LRRC4C: variants seen among roughly 807,000 people sequenced by gnomAD.
The protein encoded by LRRC4C is leucine rich repeat containing 4C.
In LRRC4C, 5 loss-of-function variants were observed where a neutral mutation model predicts 33.6. That is an observed-to-expected ratio of 0.15 (90% CI 0.08 to 0.31). The LOEUF (loss-of-function observed/expected upper bound fraction) is 0.31. Ranked by LOEUF, LRRC4C falls within the 10% of genes least tolerant of loss-of-function variation. The pLI, the probability that LRRC4C is intolerant of heterozygous loss-of-function variation, is 1.00. For missense variants in LRRC4C, 560 were observed against 796.7 expected (o/e 0.70, Z 3.58); for synonymous variants, 329 against 302.0 (o/e 1.09, Z -0.93).
intron 1 of LRRC4C, among the ~76,000 whole-genome samples, chr11:40,965,642 T>C (rs373151924): frequency 6.6e-6 from 1 of 152,196 alleles, no homozygotes; most frequent in Non-Finnish European, 1.5e-5. Context: ...TCCCCATTGC[T>C]TGTTTTTGTC....
intron 4 of LRRC4C, among the ~76,000 whole-genome samples, chr11:40,294,908 G>T (rs2136617372): frequency 6.6e-6 from 1 of 152,274 alleles, no homozygotes; most frequent in African/African-American, 2.4e-5. Flanking sequence ...AAGCTACTCG[G>T]GAGGGAGGCT....
intron 3 of LRRC4C, among the ~76,000 whole-genome samples, chr11:40,569,385 T>A (rs1331696366): frequency 3.3e-5 from 5 of 152,188 alleles, no homozygotes; most frequent in African/African-American, 9.7e-5. Context: ...CAAAAGCCTA[T>A]GGTCCCATAC....
chr11:40,409,073 G>A (rs190617164), intron 3 of LRRC4C, among the ~76,000 whole-genome samples: 15 of 151,982 alleles, frequency 9.9e-5, no homozygotes, highest in Admixed American at 9.2e-4. Flanking sequence ...TAATGAAACA[G>A]AATAGAGAGC....
chr11:40,821,201 A>C (rs1000396359), intron 2 of LRRC4C, among the ~76,000 whole-genome samples: 1 of 151,712 alleles, frequency 6.6e-6, no homozygotes, highest in African/African-American at 2.4e-5. Context: ...AACACACAAT[A>C]ATTTTAAAAT....
chr11:40,281,920 T>C (rs1943502284), intron 4 of LRRC4C, among the ~76,000 whole-genome samples: 1 of 152,122 alleles, frequency 6.6e-6, no homozygotes. Flanking sequence ...ACACATATAA[T>C]TGGATAGCTA....
intron 3 of LRRC4C, among the ~76,000 whole-genome samples, chr11:40,443,439 G>A (rs1951484857): frequency 6.6e-6 from 1 of 152,162 alleles, no homozygotes; most frequent in African/African-American, 2.4e-5. Flanking sequence ...ATTGCAGAGT[G>A]ATGTCAAAGA....
intron 1 of LRRC4C, among the ~76,000 whole-genome samples, chr11:41,442,348 T>C (rs1033663771): frequency 6.6e-6 from 1 of 151,996 alleles, no homozygotes; most frequent in African/African-American, 2.4e-5. Flanking sequence ...CAACATATCT[T>C]TTCCTACATT....
At chr11:40,709,297 C>T (rs1946340167) in intron 2 of LRRC4C, among the ~76,000 whole-genome samples, 2 of 152,116 alleles carry the variant, frequency 1.3e-5, no homozygotes, top group African/African-American at 4.8e-5. Context: ...TTCTTCCTAG[C>T]ATCCATGGTC....
intron 6 of LRRC4C, among the ~76,000 whole-genome samples, chr11:40,126,687 G>T (rs544406504): frequency 6.6e-6 from 1 of 152,122 alleles, no homozygotes; most frequent in Non-Finnish European, 1.5e-5. Flanking sequence ...GGGGACGGGC[G>T]TGGTGGCTCA....
At chr11:41,445,321 C>A (rs1386308370) in intron 1 of LRRC4C, among the ~76,000 whole-genome samples, 4 of 152,142 alleles carry the variant, frequency 2.6e-5, no homozygotes, top group African/African-American at 9.7e-5. Flanking sequence ...ATTTCTCTCG[C>A]ATTTTAATTC....
intron 1 of LRRC4C, among the ~76,000 whole-genome samples, chr11:41,290,720 C>CTATATAAT (rs1949969201): frequency 6.6e-6 from 1 of 152,038 alleles, no homozygotes; most frequent in African/African-American, 2.4e-5. Flanking sequence ...TATTAGATTC[C>CTATATAAT]TGCCATGAAG....
At position 40,170,119 on chromosome 11, in the gene LRRC4C, G is replaced by A. The variant is rs953562192; in HGVS notation, c.-95-29266C>T. Among the ~76,000 whole-genome samples the A allele has an allele frequency of 7.9e-5, 12 of 152,302 alleles. No individual in the cohort carries two copies. In the Middle Eastern group the frequency reaches 0.01, roughly 130 times the overall value. ...CTGTGGGTGATAATAGTACTAGAAT[G>A]TTACAAAAAGGGAGTGTGCATGTGA... On this transcript the variant is annotated intron_variant, in intron 5 of 6. Coordinates refer to ENST00000528697, the MANE Select transcript of LRRC4C (RefSeq NM_001258419.2).
chr11:40,918,832 A>G (rs1010970300), intron 2 of LRRC4C, among the ~76,000 whole-genome samples: 2 of 152,102 alleles, frequency 1.3e-5, no homozygotes, highest in Non-Finnish European at 2.9e-5. Flanking sequence ...GTTAAACTCA[A>G]AAGAAGAGAC....
chr11:40,991,154 T>A (rs989606455), intron 1 of LRRC4C, among the ~76,000 whole-genome samples: 12 of 143,070 alleles, frequency 8.4e-5, no homozygotes, highest in African/African-American at 3.1e-4. Flanking sequence ...AAAATCAGAA[T>A]TGTGGAAGAC....
intron 2 of LRRC4C, among the ~76,000 whole-genome samples, chr11:40,662,846 A>C (rs1435910078): frequency 1.3e-5 from 2 of 152,242 alleles, no homozygotes; most frequent in Non-Finnish European, 2.9e-5. Flanking sequence ...GTGAAGATTT[A>C]GTTGACATGC....
chr11:41,359,918 C>G (rs1216093948), intron 1 of LRRC4C, among the ~76,000 whole-genome samples: 1 of 152,196 alleles, frequency 6.6e-6, no homozygotes, highest in Admixed American at 6.5e-5. Context: ...CACGGTGACT[C>G]ATGCCTGTAA....
chr11:41,073,010 C>T (rs1375252796), intron 1 of LRRC4C, among the ~76,000 whole-genome samples: 1 of 152,100 alleles, frequency 6.6e-6, no homozygotes, highest in African/African-American at 2.4e-5. Context: ...TGTTTTGTTC[C>T]TATAAACACT....
At chr11:40,667,870 G>A (rs1203948544) in intron 2 of LRRC4C, among the ~76,000 whole-genome samples, 1 of 152,186 alleles carries the variant, frequency 6.6e-6, no homozygotes, top group Non-Finnish European at 1.5e-5. Flanking sequence ...GCTGTGCCCG[G>A]ACTCTGAATC....
chr11:40,571,986 A>G lies in LRRC4C; in HGVS notation c.-270+76156T>C, dbSNP rs372668085. ...TTAACCTCTACTATCCAGAACCCTA[A>G]CTCCTTCCAAAGAATATTACCACAG... On this transcript the variant is annotated intron_variant, in intron 3 of 6. Coordinates refer to ENST00000528697, the MANE Select transcript of LRRC4C (RefSeq NM_001258419.2). 3.6e-4 allele frequency among the ~76,000 whole-genome samples: 55 copies of G among 151,898 alleles called. 2 individuals are homozygous for G. In the South Asian group the frequency reaches 0.011, roughly 31 times the overall value.
Sources: gnomAD v4.1 joint callset for allele counts (sites outside exome capture counted in the v4.1 genomes callset) on GRCh38, gnomAD v4.1.1 for gene constraint, MANE v1.5 for transcripts, NCBI Gene and HGNC (gene_info 2026-07-23, HGNC 2026-07-21) for gene names.